GHR: variants seen among roughly 807,000 people sequenced by gnomAD.
GHR encodes GH receptor.
GHR carries 35 observed loss-of-function variants against 67.1 expected under a neutral mutation model. The ratio of observed to expected loss-of-function variants is 0.52; its 90% CI spans 0.40 to 0.69. The LOEUF is 0.69. Among genes scored for constraint, GHR ranks in the 30% least tolerant of loss-of-function variants. The pLI is 0.00. For missense variants in GHR, 792 were observed against 764.6 expected (o/e 1.04, Z -0.42); for synonymous variants, 272 against 269.1 (o/e 1.01, Z -0.10).
chr5:42,715,046 C>T, intron 8 of GHR: 1 of 368,882 alleles, frequency 2.7e-6, no homozygotes, highest in South Asian at 2.0e-5. Context: ...GTAGGATTTC[C>T]AAGAAAACAT....
At chr5:42,713,113 T>G (rs1214200048) in intron 7 of GHR, among the ~76,000 whole-genome samples, 1 of 152,108 alleles carries the variant, frequency 6.6e-6, no homozygotes, top group Non-Finnish European at 1.5e-5. Context: ...GAAACCTTTA[T>G]GATACTCCCT....
At chr5:42,670,880 A>ATATATATATATAT (rs58161451) in intron 3 of GHR, among the ~76,000 whole-genome samples, 13 of 118,192 alleles carry the variant, frequency 1.1e-4, no homozygotes, top group Admixed American at 8.8e-4. Flanking sequence ...AAAAAAAAAA[A>ATATATATATATAT]ATATATATAT....
At chr5:42,592,164 T>C (rs780490754) in intron 2 of GHR, among the ~76,000 whole-genome samples, 7 of 152,226 alleles carry the variant, frequency 4.6e-5, no homozygotes, top group Non-Finnish European at 1.0e-4. Flanking sequence ...AAGTTCACGA[T>C]GTGAATCTTC....
intron 2 of GHR, among the ~76,000 whole-genome samples, chr5:42,617,871 T>A (rs926728836): frequency 1.3e-5 from 2 of 152,158 alleles, no homozygotes; most frequent in East Asian, 3.9e-4. Context: ...TATTCTAGAC[T>A]TTTAAGGCAT....
intron 2 of GHR, among the ~76,000 whole-genome samples, chr5:42,620,282 A>T (rs1269237564): frequency 6.6e-6 from 1 of 152,118 alleles, no homozygotes; most frequent in Non-Finnish European, 1.5e-5. Context: ...TTATAAGTAA[A>T]ATCATAATGC....
chr5:42,668,551 A>T lies in GHR; in HGVS notation c.137-20339A>T, dbSNP rs577265723. Among the ~76,000 whole-genome samples the T allele has an allele frequency of 9.5e-4, 144 of 152,296 alleles. 1 individual carries two copies. Among genetic ancestry groups the T allele is most frequent in the African/African-American group, 3.4e-3 (141 of 41,554 alleles). On this transcript the variant is annotated intron_variant, in intron 3 of 9. Coordinates refer to ENST00000230882, the MANE Select transcript of GHR (RefSeq NM_000163.5). The stretch of plus-strand genomic sequence containing the variant: ...CTTAGTTTAGAAAAATGGAAGTGTG[A>T]CACAGCTGTCTTACCGCACTAATAT...
At chr5:42,704,771 G>A (rs1196135646) in intron 6 of GHR, among the ~76,000 whole-genome samples, 1 of 151,930 alleles carries the variant, frequency 6.6e-6, no homozygotes, top group Non-Finnish European at 1.5e-5. Flanking sequence ...AGGTTGTTGT[G>A]TGTAGGAATT....
chr5:42,461,533 G>A (rs1744487408), intron 1 of GHR, among the ~76,000 whole-genome samples: 1 of 152,146 alleles, frequency 6.6e-6, no homozygotes, highest in Admixed American at 6.5e-5. Context: ...TTTCTTTGGG[G>A]AGGCCTTCCC....
intron 3 of GHR, among the ~76,000 whole-genome samples, chr5:42,649,727 A>T (rs1754921557): frequency 6.6e-6 from 1 of 152,186 alleles, no homozygotes; most frequent in Non-Finnish European, 1.5e-5. Flanking sequence ...ACTAAGAAAG[A>T]GATGAAATGA....
intron 1 of GHR, among the ~76,000 whole-genome samples, chr5:42,484,163 A>C (rs1424019450): frequency 6.6e-6 from 1 of 152,178 alleles, no homozygotes; most frequent in African/African-American, 2.4e-5. Flanking sequence ...TACTGTGGAC[A>C]TCCTTAAAAA....
At chr5:42,582,973 C>T (rs1751268428) in intron 2 of GHR, among the ~76,000 whole-genome samples, 1 of 152,232 alleles carries the variant, frequency 6.6e-6, no homozygotes, top group Non-Finnish European at 1.5e-5. Context: ...CTGGCTTGCC[C>T]TTGGCAGGCA....
intron 1 of GHR, among the ~76,000 whole-genome samples, chr5:42,428,434 A>G (rs1029952500): frequency 6.6e-6 from 1 of 152,152 alleles, no homozygotes; most frequent in Admixed American, 6.5e-5. Flanking sequence ...AAGGCCTCTG[A>G]CATGTTCTGG....
intron 6 of GHR, among the ~76,000 whole-genome samples, chr5:42,710,701 A>G (rs1758410947): frequency 6.6e-6 from 1 of 152,156 alleles, no homozygotes; most frequent in Non-Finnish European, 1.5e-5. Flanking sequence ...AAAGGCAATT[A>G]TGATTTTTCT....
chr5:42,542,069 A>G (rs1748540243), intron 1 of GHR, among the ~76,000 whole-genome samples: 1 of 152,214 alleles, frequency 6.6e-6, no homozygotes, highest in South Asian at 2.1e-4. Context: ...TCATGATTCC[A>G]AATGAGATAA....
At chr5:42,432,331 A>G (rs1743130152) in intron 1 of GHR, among the ~76,000 whole-genome samples, 2 of 152,220 alleles carry the variant, frequency 1.3e-5, no homozygotes. Context: ...AGAATCGCAG[A>G]TAGTTCTTTC....
intron 6 of GHR, among the ~76,000 whole-genome samples, chr5:42,702,401 G>A (rs1412553349): frequency 1.3e-5 from 2 of 151,950 alleles, no homozygotes; most frequent in African/African-American, 2.4e-5. Flanking sequence ...AAGGCTGATA[G>A]CATTCCATTG....
chr5:42,694,491 T>C (rs988655400), intron 4 of GHR, among the ~76,000 whole-genome samples: 2 of 152,186 alleles, frequency 1.3e-5, no homozygotes, highest in Admixed American at 1.3e-4. Flanking sequence ...TCTTTCACCA[T>C]AGGCTGGTGA....
chr5:42,679,834 A>AC (rs1005450312), intron 3 of GHR, among the ~76,000 whole-genome samples: 2 of 152,010 alleles, frequency 1.3e-5, no homozygotes, highest in African/African-American at 2.4e-5. Flanking sequence ...TAGGACAGAG[A>AC]CCCCAAAGAA....
intron 1 of GHR, among the ~76,000 whole-genome samples, chr5:42,433,732 A>ATTTTTTTTTTTTTTTT (rs35539827): frequency 3.9e-5 from 3 of 77,584 alleles, no homozygotes; most frequent in Admixed American, 1.6e-4. Flanking sequence ...AAGATATGGT[A>ATTTTTTTTTTTTTTTT]TTTTTTTTTT....
Sources: allele counts gnomAD v4.1 joint callset (sites outside exome capture counted in the v4.1 genomes callset), GRCh38; gene constraint gnomAD v4.1.1; transcripts MANE v1.5; gene names NCBI Gene and HGNC (gene_info 2026-07-23, HGNC 2026-07-21).